Variants in CBLN2 observed in about 807,000 individuals in gnomAD.
The protein encoded by CBLN2 is cerebellin-2.
CBLN2 carries 7 observed loss-of-function variants against 15.0 expected under a neutral mutation model. The ratio of observed to expected loss-of-function variants is 0.47; its 90% confidence interval spans 0.27 to 0.88. CBLN2 has a LOEUF of 0.88. Ranked by LOEUF, CBLN2 falls within the 40% of genes least tolerant of loss-of-function variation. The pLI is 0.14. For synonymous variants in CBLN2, 149 were observed against 135.2 expected (o/e 1.10, Z -0.71); for missense variants, 242 against 304.5 (o/e 0.79, Z 1.53).
chr18:72,614,451 A>G (rs2069644076), intron 1 of CBLN2, among the ~76,000 whole-genome samples: 1 of 152,162 alleles, frequency 6.6e-6, no homozygotes, highest in Non-Finnish European at 1.5e-5. Context: ...ACAGAATTGC[A>G]AAATAATTTT....
At chr18:72,577,580 G>A (rs2069376238) in intron 1 of CBLN2, among the ~76,000 whole-genome samples, 1 of 152,176 alleles carries the variant, frequency 6.6e-6, no homozygotes, top group Non-Finnish European at 1.5e-5. Context: ...ATCCTATCTT[G>A]TGAAATTAAC....
At chr18:72,632,072 AT>A (rs1313635870) in intron 1 of CBLN2, among the ~76,000 whole-genome samples, 2 of 152,124 alleles carry the variant, frequency 1.3e-5, no homozygotes, top group Non-Finnish European at 2.9e-5. Flanking sequence ...AATGAAAACA[AT>A]CAAGAGTTAT....
intron 1 of CBLN2, among the ~76,000 whole-genome samples, chr18:72,563,784 A>G (rs1269757949): frequency 6.6e-6 from 1 of 152,166 alleles, no homozygotes; most frequent in Non-Finnish European, 1.5e-5. Flanking sequence ...AAAAGGGAGC[A>G]GTGTCCAAGC....
intron 1 of CBLN2, among the ~76,000 whole-genome samples, chr18:72,589,644 G>A (rs2069466364): frequency 6.6e-6 from 1 of 152,166 alleles, no homozygotes. Context: ...GACTCTATGA[G>A]AACAATTTCA....
Position 72,541,961 on chromosome 18 carries a change from A to G in CBLN2, c.200T>C (p.Val67Ala), listed in dbSNP as rs1230961498. 6.2e-7 allele frequency: 1 copy of G among 1,607,016 alleles called. No individual in the cohort carries two copies. Among genetic ancestry groups the G allele is most frequent in the African/African-American group, 1.3e-5 (1 of 74,870 alleles). ...PIVLEGKCLV[V>A]CDSSPSADGA... ...GTCCGCCGACGGGCTGGAGTCGCAC[A>G]CCACCAGGCACTTGCCCTCCAGCAC... is the stretch of plus-strand genomic sequence containing the variant. The change falls in exon 3 of 5, where the codon GTG becomes GCG. Residue 67 changes from valine (V) to alanine (A), a missense_variant. Physicochemically the swap from Val to Ala is moderately conservative, Grantham distance 64. Coordinates refer to ENST00000269503, the MANE Select transcript of CBLN2 (RefSeq NM_182511.4).
intron 1 of CBLN2, among the ~76,000 whole-genome samples, chr18:72,583,729 G>A (rs2144921418): frequency 6.6e-6 from 1 of 152,246 alleles, no homozygotes. Flanking sequence ...ACCACTTATA[G>A]TAATAATGAA....
At chr18:72,604,745 T>G (rs535545212) in intron 1 of CBLN2, among the ~76,000 whole-genome samples, 96 of 152,342 alleles carry the variant, frequency 6.3e-4, no homozygotes, top group Admixed American at 1.0e-3. Context: ...ATTCTCAGCC[T>G]CCTTGCCACG....
At chr18:72,637,778 A>T (rs2069823823) in intron 1 of CBLN2, among the ~76,000 whole-genome samples, 1 of 152,200 alleles carries the variant, frequency 6.6e-6, no homozygotes, top group Non-Finnish European at 1.5e-5. Context: ...TCCCTGAGAG[A>T]AATAGGGGAG....
intron 1 of CBLN2, among the ~76,000 whole-genome samples, chr18:72,595,966 G>T (rs1157013277): frequency 6.6e-6 from 1 of 151,874 alleles, no homozygotes; most frequent in African/African-American, 2.4e-5. Context: ...TCTTATTTTT[G>T]TATCCTTTCA....
At chr18:72,620,402 A>G (rs921000608) in intron 1 of CBLN2, 15 of 152,206 alleles carry the variant, frequency 9.9e-5, no homozygotes, top group African/African-American at 3.6e-4. Flanking sequence ...GGGAGCTGGA[A>G]AGGAAATGGG....
At chr18:72,570,702 G>A (rs1481928613) in intron 1 of CBLN2, among the ~76,000 whole-genome samples, 1 of 151,934 alleles carries the variant, frequency 6.6e-6, no homozygotes, top group East Asian at 1.9e-4. Flanking sequence ...AACCATCAAC[G>A]CAAACCCCAC....
At chr18:72,627,663 G>A (rs1455419178) in intron 1 of CBLN2, among the ~76,000 whole-genome samples, 1 of 152,236 alleles carries the variant, frequency 6.6e-6, no homozygotes, top group Non-Finnish European at 1.5e-5. Flanking sequence ...ATAAGAGGGA[G>A]TGATCAAAAT....
rs367725026 is a variant in CBLN2 at position 72,554,113 on chromosome 18, T to G, written c.16-15341A>C. 2.9e-3 allele frequency among the ~76,000 whole-genome samples: 440 copies of G among 152,300 alleles called. 4 individuals are homozygous for G. The highest frequency in any genetic ancestry group is 0.01 in the African/African-American group (421 of 41,574). ...TTTATTTTTCATAATCCTTAGAGTG[T>G]AATATGATGAAGAATGTTTAACGAA... On this transcript the variant is annotated intron_variant, in intron 1 of 2. Coordinates refer to the CBLN2 transcript ENST00000581073.
chr18:72,598,836 A>G (rs1012815644), intron 1 of CBLN2, among the ~76,000 whole-genome samples: 1 of 152,216 alleles, frequency 6.6e-6, no homozygotes, highest in Non-Finnish European at 1.5e-5. Context: ...ATAGGGCAGC[A>G]CTGAGTTCCA....
chr18:72,627,220 G>A (rs578206076), intron 1 of CBLN2, among the ~76,000 whole-genome samples: 1 of 152,166 alleles, frequency 6.6e-6, no homozygotes, highest in African/African-American at 2.4e-5. Context: ...ATCAATAGCA[G>A]AATGGATAAA....
chr18:72,594,999 A>G (rs2069503786), intron 1 of CBLN2, among the ~76,000 whole-genome samples: 1 of 141,150 alleles, frequency 7.1e-6, no homozygotes, highest in African/African-American at 2.6e-5. Context: ...GACTTTTTGT[A>G]TTGTGTTTTT....
chr18:72,608,556 A>G (rs1219584886), intron 1 of CBLN2, among the ~76,000 whole-genome samples: 2 of 152,188 alleles, frequency 1.3e-5, no homozygotes, highest in Non-Finnish European at 2.9e-5. Flanking sequence ...GTATTTTATT[A>G]GGGAGCAGCA....
At chr18:72,546,745 G>C (rs2069160923), upstream of CBLN2, among the ~76,000 whole-genome samples, 1 of 152,184 alleles carries the variant, frequency 6.6e-6, no homozygotes, top group Non-Finnish European at 1.5e-5. Flanking sequence ...CAACCCTGTG[G>C]TAAAGACAGG....
intron 1 of CBLN2, among the ~76,000 whole-genome samples, chr18:72,550,379 G>T (rs369732952): frequency 2.2e-4 from 33 of 152,308 alleles, no homozygotes; most frequent in African/African-American, 7.7e-4. Flanking sequence ...ATACAGGGAG[G>T]TAAGGAAAAA....
Sources: gnomAD v4.1 joint callset for allele counts (sites outside exome capture counted in the v4.1 genomes callset) on GRCh38, gnomAD v4.1.1 for gene constraint, MANE v1.5 for transcripts, NCBI Gene and HGNC (gene_info 2026-07-23, HGNC 2026-07-21) for gene names.